Variants in HNRNPLL observed in about 807,000 individuals in gnomAD.
HNRNPLL encodes heterogeneous nuclear ribonucleoprotein L-like.
Under a neutral mutation model 67.1 loss-of-function variants are expected in HNRNPLL, and 25 were observed. The ratio of observed to expected loss-of-function variants is 0.37; its 90% CI spans 0.27 to 0.52. HNRNPLL has a LOEUF of 0.52. Ranked by LOEUF, HNRNPLL falls within the 20% of genes least tolerant of loss-of-function variation. HNRNPLL has a pLI of 0.90. For synonymous variants in HNRNPLL, 267 were observed against 241.7 expected, an observed-to-expected ratio of 1.10 and a Z score of -0.97; for missense variants, 542 against 673.9, an observed-to-expected ratio of 0.80 and a Z score of 2.17.
Position 38,577,654 on chromosome 2 carries a change from T to G in HNRNPLL, c.803-122A>C, listed in dbSNP as rs1666352484. The G allele has an allele frequency of 9.1e-6, 6 of 660,366 alleles. No individual in the cohort carries two copies. The East Asian group carries it at 1.6e-4, about 18-fold the overall frequency. 40.9% of individuals were successfully genotyped at this position (660,366 alleles called of 1,614,324 possible). On this transcript the variant is annotated intron_variant, in intron 6 of 12. Coordinates refer to ENST00000449105, the MANE Select transcript of HNRNPLL (RefSeq NM_138394.4). ...CAATTCATAAAAGAAATACGATTCC[T>G]GGTTAACTTTAAACATCCATTCATA... is the stretch of plus-strand genomic sequence containing the variant.
At chr2:38,592,970 A>G (rs73929083) in intron 1 of HNRNPLL, among the ~76,000 whole-genome samples, 1,577 of 152,352 alleles carry the variant, frequency 0.01, 25 homozygotes, top group African/African-American at 0.036. Context: ...TTAGGAAAAT[A>G]TAACAAATGG....
intron 8 of HNRNPLL, among the ~76,000 whole-genome samples, chr2:38,572,258 G>A (rs1358512748): frequency 6.6e-6 from 1 of 151,964 alleles, no homozygotes; most frequent in Non-Finnish European, 1.5e-5. Context: ...TCAAATGGTT[G>A]ACAAAATTCT....
intron 1 of HNRNPLL, among the ~76,000 whole-genome samples, chr2:38,591,992 A>T (rs1367863399): frequency 6.6e-6 from 1 of 152,194 alleles, no homozygotes; most frequent in East Asian, 1.9e-4. Context: ...AACAAAAAAA[A>T]TTTAAGTCTA....
intron 1 of HNRNPLL, 168 bp downstream of exon 1, chr2:38,602,270 A>T: frequency 1.6e-6 from 1 of 615,198 alleles, no homozygotes; most frequent in South Asian, 2.2e-5. Flanking sequence ...GGGATGCGGG[A>T]AACAGGTAGA....
chr2:38,599,778 T>C (rs1667349767), intron 1 of HNRNPLL: 1 of 418,084 alleles, frequency 2.4e-6, no homozygotes, highest in Non-Finnish European at 4.9e-6. Flanking sequence ...GTAGTCAATA[T>C]ATTATCAAAG....
intron 2 of HNRNPLL, among the ~76,000 whole-genome samples, chr2:38,588,613 G>C (rs1183053776): frequency 7.5e-5 from 11 of 147,562 alleles, no homozygotes; most frequent in Non-Finnish European, 1.6e-4. Context: ...ACCCAGAAAA[G>C]TAGCATCAAT....
At chr2:38,576,612 A>G (rs1666309708) in intron 7 of HNRNPLL, among the ~76,000 whole-genome samples, 2 of 151,688 alleles carry the variant, frequency 1.3e-5, no homozygotes, top group South Asian at 4.1e-4. Flanking sequence ...GTAAGCTAAA[A>G]CTCACAGCTA....
At chr2:38,571,254 T>C (rs545351229) in intron 8 of HNRNPLL, among the ~76,000 whole-genome samples, 17 of 152,300 alleles carry the variant, frequency 1.1e-4, no homozygotes, top group African/African-American at 4.1e-4. Flanking sequence ...AGAAAAATTA[T>C]AAATGATCTA....
chr2:38,600,041 G>A (rs1667361461), intron 1 of HNRNPLL: 1 of 367,490 alleles, frequency 2.7e-6, no homozygotes, highest in Non-Finnish European at 5.6e-6. Flanking sequence ...TTCTATCCGG[G>A]GAACGTCTAT....
intron 1 of HNRNPLL, 163 bp downstream of exon 1, chr2:38,602,275 G>A (rs890767095): frequency 3.1e-6 from 2 of 648,040 alleles, no homozygotes; most frequent in East Asian, 3.3e-5. Context: ...GCGGGAAACA[G>A]GTAGAGGCCA....
chr2:38,596,173 C>T (rs530526121), intron 1 of HNRNPLL, among the ~76,000 whole-genome samples: 4 of 152,244 alleles, frequency 2.6e-5, no homozygotes, highest in Non-Finnish European at 4.4e-5. Context: ...CTTCGTTTTC[C>T]CCCTTTTCCC....
At position 38,562,954 on chromosome 2, in the gene HNRNPLL, G is replaced by A. The variant is rs1185619063; in HGVS notation, c.*1228C>T. On this transcript the variant is annotated 3_prime_UTR_variant, in exon 13 of 13. Transcript: ENST00000449105. ...TTACAAATTTGTTTAAAAGTGTCAGGATTACAAAACTGATATTGTCAACTA... is the reference window on the plus strand; with the variant it reads ...TTACAAATTTGTTTAAAAGTGTCAGAATTACAAAACTGATATTGTCAACTA... 1.3e-5 allele frequency: 2 copies of A among 151,986 alleles called. No homozygotes were observed. Among genetic ancestry groups the A allele is most frequent in the Admixed American group, 6.6e-5 (1 of 15,266 alleles). The allele number at this position is 151,986 out of a possible 1,614,324, so 9.4% of individuals were successfully genotyped here. A position where few individuals can be genotyped will look rare whatever the true frequency, so the allele number is the denominator to read the frequency against.
rs147651773 is a variant in HNRNPLL at position 38,591,459 on chromosome 2, G to C, written c.308+71C>G. On this transcript the variant is annotated intron_variant, in intron 2 of 12. Transcript: ENST00000449105. ...CAATATTTACTATGCTAAACATCAA[G>C]GCTTGTAACAAGCAAGCAAGGATTA... The C allele has an allele frequency of 6.9e-4, 577 of 840,242 alleles. 8 individuals are homozygous for C. The East Asian group carries it at 0.011, about 16-fold the overall frequency. The allele number at this position is 840,242 out of a possible 1,614,324, so 52.0% of individuals were successfully genotyped here.
chr2:38,586,785 G>A (rs1666752810), intron 2 of HNRNPLL, among the ~76,000 whole-genome samples: 1 of 151,988 alleles, frequency 6.6e-6, no homozygotes, highest in Non-Finnish European at 1.5e-5. Flanking sequence ...TGAGCAGGAG[G>A]GTAAGATGTT....
chr2:38,571,289 G>GCT lies in HNRNPLL; in HGVS notation c.1093-1366_1093-1365dup, dbSNP rs546439150. 2.0e-3 allele frequency among the ~76,000 whole-genome samples: 305 copies of GCT among 152,120 alleles called. 1 individual carries two copies. Among genetic ancestry groups the GCT allele is most frequent in the African/African-American group, 7.0e-3 (291 of 41,530 alleles). On this transcript the variant is annotated intron_variant, in intron 8 of 12. Coordinates refer to ENST00000449105, the MANE Select transcript of HNRNPLL (RefSeq NM_138394.4). ...ACTATAATAAAAATTACGTGAACAT[G>GCT]CTCTCTCTCTCACAATATCTTATTT...
At chr2:38,588,437 T>C (rs1243615241) in intron 2 of HNRNPLL, among the ~76,000 whole-genome samples, 1 of 150,066 alleles carries the variant, frequency 6.7e-6, no homozygotes, top group Non-Finnish European at 1.5e-5. Flanking sequence ...TAATCCCAGC[T>C]ACTTGGGAGG....
chr2:38,596,501 A>G (rs1363910948), intron 1 of HNRNPLL, among the ~76,000 whole-genome samples: 1 of 151,894 alleles, frequency 6.6e-6, no homozygotes, highest in Non-Finnish European at 1.5e-5. Flanking sequence ...CAAGTGATCC[A>G]CCTGCCTCAG....
Position 38,602,628 on chromosome 2 carries a change from G to T in HNRNPLL, c.-2C>A. 6.6e-7 allele frequency: 1 copy of T among 1,516,962 alleles called. No individual in the cohort carries two copies. 94.0% of individuals were successfully genotyped at this position (1,516,962 alleles called of 1,614,324 possible). A position where few individuals can be genotyped will look rare whatever the true frequency, so the allele number is the denominator to read the frequency against. On this transcript the variant is annotated 5_prime_UTR_variant, in exon 1 of 13. Transcript: ENST00000449105. Reference sequence around the variant, plus strand: ...GGGGGAGGAAGAGGAGGAGGACATGGCGGCGGCCGGAGGGACCGGCTGGCA... The same window carrying T: ...GGGGGAGGAAGAGGAGGAGGACATGTCGGCGGCCGGAGGGACCGGCTGGCA...
rs1666534826 is a variant in HNRNPLL at position 38,581,702 on chromosome 2, T to C, written c.802+211A>G. 9.0e-6 allele frequency: 5 copies of C among 555,768 alleles called. No individual in the cohort carries two copies. The Admixed American group carries it at 1.7e-4, about 19-fold the overall frequency. 34.4% of individuals were successfully genotyped at this position (555,768 alleles called of 1,614,324 possible). On this transcript the variant is annotated intron_variant, in intron 6 of 12. Coordinates refer to ENST00000449105, the MANE Select transcript of HNRNPLL (RefSeq NM_138394.4). ...CGTGCCTGAATGTGTGGGCTCCTTG[T>C]TGAACTAAATATAAATAGCTCAGTA...
Sources: gnomAD v4.1 joint callset for allele counts (sites outside exome capture counted in the v4.1 genomes callset) on GRCh38, gnomAD v4.1.1 for gene constraint, MANE v1.5 for transcripts, NCBI Gene and HGNC (gene_info 2026-07-23, HGNC 2026-07-21) for gene names.